MID1: variants seen among roughly 807,000 people sequenced by gnomAD.
The protein encoded by MID1 is midline 1.
Under a neutral mutation model 40.4 loss-of-function variants are expected in MID1, and 7 were observed. That is an observed-to-expected ratio of 0.17 (90% CI 0.10 to 0.33). The LOEUF (loss-of-function observed/expected upper bound fraction) is 0.33, where lower values mean the gene tolerates loss of function less well. Among genes scored for constraint, MID1 ranks in the 10% least tolerant of loss-of-function variants. MID1 has a pLI of 1.00. For missense variants in MID1, 367 were observed against 558.5 expected (o/e 0.66, Z 3.46); for synonymous variants, 229 against 221.2 (o/e 1.04, Z -0.31).
intron 1 of MID1, among the ~76,000 whole-genome samples, chrX:10,620,037 C>T (rs1422212443): frequency 8.9e-6 from 1 of 112,373 alleles, no homozygotes; most frequent in African/African-American, 3.2e-5. Context: ...CTTGTAAGCC[C>T]TTTACAACGA....
chrX:10,461,264 T>G, intron 7 of MID1, among the ~76,000 whole-genome samples: 1 of 107,852 alleles, frequency 9.3e-6, no homozygotes, highest in Middle Eastern at 4.8e-3. Context: ...AAAAGCCAGC[T>G]TGAAGCAAGA....
chrX:10,720,524 C>T lies in MID1; in HGVS notation c.-186-100105G>A, dbSNP rs1202030585. Among the ~76,000 whole-genome samples, 56 of 111,640 alleles carry T rather than the reference C, an allele frequency of 5.0e-4. No individual in the cohort carries two copies. The East Asian group carries it at 5.1e-3, about 10-fold the overall frequency. ...TACCATCTCACACTAGTTAGAATGGCGATCATTCAAAAGTCAGGAAACAAC... is the reference window on the plus strand; with the variant it reads ...TACCATCTCACACTAGTTAGAATGGTGATCATTCAAAAGTCAGGAAACAAC... On this transcript the variant is annotated intron_variant, in intron 1 of 10. Coordinates refer to the MID1 transcript ENST00000380785.
At chrX:10,813,874 C>A (rs1444327068) in intron 1 of MID1, among the ~76,000 whole-genome samples, 1 of 111,553 alleles carries the variant, frequency 9.0e-6, no homozygotes, top group Non-Finnish European at 1.9e-5. Flanking sequence ...GGTTGGCAAA[C>A]TTTTTCTCTA....
At chrX:10,764,724 T>C (rs1161335803) in intron 1 of MID1, among the ~76,000 whole-genome samples, 1 of 111,960 alleles carries the variant, frequency 8.9e-6, no homozygotes, top group African/African-American at 3.2e-5. Context: ...TTGTTCTCTG[T>C]AGGACTTTCA....
At chrX:10,475,269 T>C (rs965442050) in intron 5 of MID1, 1 of 314,931 alleles carries the variant, frequency 3.2e-6, no homozygotes, top group Non-Finnish European at 6.2e-6. Flanking sequence ...TACTAGCCTC[T>C]CTCTAAAATA....
In MID1 at chrX:10,818,524, A is replaced by G. The variant is rs778798186; in HGVS notation, c.-187+15030T>C. Among the ~76,000 whole-genome samples the G allele has an allele frequency of 1.4e-3, 163 of 112,623 alleles. 2 individuals carry two copies. Among genetic ancestry groups the G allele is most frequent in the Non-Finnish European group, 2.6e-3 (136 of 53,317 alleles). On this transcript the variant is annotated intron_variant, in intron 1 of 10. Transcript: ENST00000380785. ...AACAAAGACATCTTAAGTCCTGCCTAAGTCCACAGGCCTCTGAAGGAAGTC... is the reference window on the plus strand; with the variant it reads ...AACAAAGACATCTTAAGTCCTGCCTGAGTCCACAGGCCTCTGAAGGAAGTC...
At chrX:10,527,102 C>G (rs1932848430) in intron 2 of MID1, among the ~76,000 whole-genome samples, 1 of 112,169 alleles carries the variant, frequency 8.9e-6, no homozygotes, top group Non-Finnish European at 1.9e-5. Context: ...AGAGATCATA[C>G]TTTTCCATAT....
In MID1 at chrX:10,454,726, G is replaced by A. The variant is rs766411682; in HGVS notation, c.1655+144C>T. ...TGCTGAGTTTGGGGGTGTTTGTTATGCAGTATTATCCTAGCAAGAGCTGAC... is the reference window on the plus strand; with the variant it reads ...TGCTGAGTTTGGGGGTGTTTGTTATACAGTATTATCCTAGCAAGAGCTGAC... On this transcript the variant is annotated intron_variant, in intron 9 of 9. Coordinates refer to ENST00000317552, the MANE Select transcript of MID1 (RefSeq NM_000381.4). The A allele has an allele frequency of 2.6e-5, 14 of 531,312 alleles. No homozygotes were observed. The South Asian group carries it at 2.8e-4, about 11-fold the overall frequency. 43.8% of individuals were successfully genotyped at this position (531,312 alleles called of 1,213,427 possible). A position where few individuals can be genotyped will look rare whatever the true frequency, so the allele number is the denominator to read the frequency against.
At chrX:10,638,440 T>A (rs950978040) in intron 1 of MID1, among the ~76,000 whole-genome samples, 2 of 111,530 alleles carry the variant, frequency 1.8e-5, no homozygotes, top group East Asian at 5.7e-4. Context: ...AACTGCAAGG[T>A]GGCAGCGAGG....
chrX:10,783,225 T>C (rs1453111918), intron 1 of MID1, among the ~76,000 whole-genome samples: 1 of 111,626 alleles, frequency 9.0e-6, no homozygotes, highest in African/African-American at 3.3e-5. Context: ...CACAGTGTCA[T>C]CTTGGTGCCG....
chrX:10,765,488 A>T (rs2043714080), intron 1 of MID1, among the ~76,000 whole-genome samples: 1 of 112,521 alleles, frequency 8.9e-6, no homozygotes, highest in African/African-American at 3.2e-5. Flanking sequence ...TGATCAAGCC[A>T]TGGGGTTTCC....
At chrX:10,763,168 T>A (rs2043693379) in intron 1 of MID1, among the ~76,000 whole-genome samples, 2 of 110,148 alleles carry the variant, frequency 1.8e-5, no homozygotes, top group Middle Eastern at 4.6e-3. Flanking sequence ...TATTTATTTA[T>A]TTATTTTTAT....
At chrX:10,641,412 A>G (rs1381536136) in intron 1 of MID1, among the ~76,000 whole-genome samples, 4 of 112,183 alleles carry the variant, frequency 3.6e-5, no homozygotes, top group Admixed American at 9.4e-5. Context: ...ATAAACTAGA[A>G]AATCTAGAAG....
At chrX:10,798,401 C>T (rs1360747479) in intron 1 of MID1, among the ~76,000 whole-genome samples, 2 of 111,965 alleles carry the variant, frequency 1.8e-5, no homozygotes, top group East Asian at 2.8e-4. Flanking sequence ...TTGATGCTCC[C>T]CTCCTCTCTC....
chrX:10,551,314 A>G (rs1289119506), intron 2 of MID1, among the ~76,000 whole-genome samples: 1 of 112,362 alleles, frequency 8.9e-6, no homozygotes, highest in Non-Finnish European at 1.9e-5. Context: ...TGTACATGGT[A>G]TTATTTTATC....
chrX:10,755,730 G>A (rs73202021), intron 1 of MID1, among the ~76,000 whole-genome samples: 5 of 112,143 alleles, frequency 4.5e-5, no homozygotes, highest in Non-Finnish European at 9.4e-5. Context: ...GGAGCCTGTT[G>A]TGAGCACATC....
chrX:10,616,029 C>G (rs939051608), intron 1 of MID1, among the ~76,000 whole-genome samples: 31 of 111,947 alleles, frequency 2.8e-4, no homozygotes, highest in African/African-American at 9.8e-4. Context: ...ACTAATTGTT[C>G]CAAATAAGCA....
rs143859521 is a variant in MID1 at position 10,646,539 on chromosome X, G to A, written c.-186-26120C>T. The stretch of plus-strand genomic sequence containing the variant: ...CCCTGATGTTAAGGAAAACCATAGG[G>A]GAAGGAAATTTTCGCCTCCATTTCT... On this transcript the variant is annotated intron_variant, in intron 1 of 10. Coordinates refer to the MID1 transcript ENST00000380785. Among the ~76,000 whole-genome samples, 25 of 111,218 alleles carry A rather than the reference G, an allele frequency of 2.2e-4. No individual in the cohort carries two copies. In the East Asian group the frequency reaches 7.1e-3, roughly 32 times the overall value.
intron 1 of MID1, among the ~76,000 whole-genome samples, chrX:10,568,674 C>T (rs184232839): frequency 9.0e-6 from 1 of 110,813 alleles, no homozygotes; most frequent in East Asian, 2.9e-4. Flanking sequence ...CTCCTCCAGG[C>T]CACCCGAGGG....
Sources: gnomAD v4.1 joint callset for allele counts (sites outside exome capture counted in the v4.1 genomes callset) on GRCh38, gnomAD v4.1.1 for gene constraint, MANE v1.5 for transcripts, NCBI Gene and HGNC (gene_info 2026-07-23, HGNC 2026-07-21) for gene names.